ADAD1: variants seen among roughly 807,000 people sequenced by gnomAD.
ADAD1 encodes adenosine deaminase domain-containing protein 1.
Under a neutral mutation model 66.8 loss-of-function variants are expected in ADAD1, and 46 were observed. That is an observed-to-expected ratio of 0.69 (90% CI 0.54 to 0.88). The LOEUF (loss-of-function observed/expected upper bound fraction) is 0.88. Ranked by LOEUF, ADAD1 falls within the 40% of genes least tolerant of loss-of-function variation. The probability of loss-of-function intolerance (pLI) is 0.00; values close to 1 mark genes in which losing one functional copy is unlikely to be tolerated. For missense variants in ADAD1, 617 were observed against 681.8 expected, an observed-to-expected ratio of 0.91 and a Z score of 1.06; for synonymous variants, 248 against 229.4, an observed-to-expected ratio of 1.08 and a Z score of -0.73.
intron 5 of ADAD1, among the ~76,000 whole-genome samples, chr4:122,388,105 T>G (rs1049204551): frequency 6.6e-6 from 1 of 152,190 alleles, no homozygotes; most frequent in African/African-American, 2.4e-5. Context: ...AAAGGCCTTT[T>G]CTGCATATAT....
At position 122,421,323 on chromosome 4, in the gene ADAD1, G is replaced by C. The variant is rs778239614; in HGVS notation, c.1550G>C (p.Arg517Pro). The change falls in exon 12 of 13, where the codon CGG becomes CCG. Residue 517 changes from arginine (R) to proline (P), a missense_variant. Physicochemically the swap from Arg to Pro is moderately radical, Grantham distance 103. Coordinates refer to ENST00000296513, the MANE Select transcript of ADAD1 (RefSeq NM_139243.4). The stretch of plus-strand genomic sequence containing the variant: ...CTTTGTAAGGCTGCAATGTTAAGTC[G>C]GTTTAACCTGCTTGCCAAAGAAGCT... ...SRLCKAAMLSRFNLLAKEAKK... is the reference protein window; with the variant it reads ...SRLCKAAMLSPFNLLAKEAKK... The C allele has an allele frequency of 6.2e-7, 1 of 1,606,036 alleles. No homozygotes were observed. The highest frequency in any genetic ancestry group is 1.7e-5 in the Admixed American group (1 of 59,958).
At chr4:122,384,066 G>C (rs1795042909) in intron 5 of ADAD1, 100 bp downstream of exon 5, 1 of 1,095,094 alleles carries the variant, frequency 9.1e-7, no homozygotes, top group Non-Finnish European at 1.3e-6. Flanking sequence ...GCAGCTACAA[G>C]ATAGAAGTTG....
intron 4 of ADAD1, among the ~76,000 whole-genome samples, chr4:122,383,300 G>A (rs1468954073): frequency 6.6e-6 from 1 of 152,154 alleles, no homozygotes; most frequent in Admixed American, 6.5e-5. Flanking sequence ...ATAGTACACA[G>A]GGTTTCTTCA....
chr4:122,415,280 T>G (rs532109979), intron 10 of ADAD1, 99 bp from the exon 11 acceptor site: 1 of 907,896 alleles, frequency 1.1e-6, no homozygotes, highest in African/African-American at 1.7e-5. Context: ...AGATAAAGGA[T>G]AGAGAAATGG....
chr4:122,383,774 C>T (rs1442486038), intron 4 of ADAD1, 25 bp from the exon 5 acceptor site: 1 of 1,563,336 alleles, frequency 6.4e-7, no homozygotes, highest in African/African-American at 1.4e-5. Context: ...ATTATTGTAG[C>T]ATTCATTCTG....
At chr4:122,398,431 A>G (rs1353903711) in intron 7 of ADAD1, among the ~76,000 whole-genome samples, 3 of 152,106 alleles carry the variant, frequency 2.0e-5, no homozygotes, top group Admixed American at 6.6e-5. Context: ...TTGTGCTGCT[A>G]TAAACGTGTG....
chr4:122,418,613 A>G (rs564466050), intron 11 of ADAD1, among the ~76,000 whole-genome samples: 1 of 152,054 alleles, frequency 6.6e-6, no homozygotes, highest in South Asian at 2.1e-4. Flanking sequence ...TGAGCCACCA[A>G]TAAACGTTAT....
At chr4:122,394,377 G>A (rs549993847) in intron 6 of ADAD1, among the ~76,000 whole-genome samples, 2 of 152,202 alleles carry the variant, frequency 1.3e-5, no homozygotes, top group South Asian at 4.2e-4. Context: ...TACCAAGTGG[G>A]CACACTTCAG....
intron 8 of ADAD1, 142 bp from the exon 9 acceptor site, chr4:122,411,080 C>T: frequency 1.6e-6 from 1 of 626,312 alleles, no homozygotes; most frequent in East Asian, 3.3e-5. Flanking sequence ...TTAAATAAAG[C>T]TAAGATTGAT....
At chr4:122,395,691 A>G (rs1269157174) in intron 6 of ADAD1, among the ~76,000 whole-genome samples, 1 of 152,026 alleles carries the variant, frequency 6.6e-6, no homozygotes, top group African/African-American at 2.4e-5. Flanking sequence ...TCCATAGATA[A>G]CTTTTGATGT....
intron 10 of ADAD1, among the ~76,000 whole-genome samples, chr4:122,414,837 A>G (rs1796654755): frequency 2.6e-5 from 4 of 152,154 alleles, no homozygotes; most frequent in Admixed American, 2.6e-4. Flanking sequence ...AATAATTATT[A>G]TAACTGAGAA....
chr4:122,398,318 GT>G lies in ADAD1; in HGVS notation c.724+1942del, dbSNP rs1186304968. 4.9e-4 allele frequency among the ~76,000 whole-genome samples: 6 copies of G among 12,366 alleles called. No individual in the cohort carries two copies. The South Asian group carries it at 0.018, about 37-fold the overall frequency. The allele number at this position is 12,366 out of a possible 152,430, so 8.1% of individuals were successfully genotyped here. A position where few individuals can be genotyped will look rare whatever the true frequency, so the allele number is the denominator to read the frequency against. Reference sequence around the variant, plus strand: ...TATCCAGGCTGAGTAGTATTCCAGGGTGTGTGTGTGTGTGTGTGTGTGTGTG... The same window carrying G: ...TATCCAGGCTGAGTAGTATTCCAGGGGTGTGTGTGTGTGTGTGTGTGTGTG... On this transcript the variant is annotated intron_variant, in intron 7 of 12. Coordinates refer to ENST00000296513, the MANE Select transcript of ADAD1 (RefSeq NM_139243.4).
At chr4:122,401,679 G>A (rs1795988460) in intron 7 of ADAD1, among the ~76,000 whole-genome samples, 1 of 152,052 alleles carries the variant, frequency 6.6e-6, no homozygotes, top group Non-Finnish European at 1.5e-5. Context: ...GAGCTCCAGT[G>A]TTAAGTGCAT....
At chr4:122,379,830 T>G in intron 2 of ADAD1, 1 of 434,476 alleles carries the variant, frequency 2.3e-6, no homozygotes, top group Admixed American at 4.0e-5. Flanking sequence ...CTGTTCCTTC[T>G]TTCCTCCTTT....
chr4:122,393,247 CATTA>C (rs1580752457), intron 5 of ADAD1, among the ~76,000 whole-genome samples: 1 of 151,806 alleles, frequency 6.6e-6, no homozygotes, highest in African/African-American at 2.4e-5. Flanking sequence ...TTTAATAGAA[CATTA>C]ATTTAAAATG....
chr4:122,380,687 T>C (rs73846642), intron 3 of ADAD1, among the ~76,000 whole-genome samples: 2,444 of 152,294 alleles, frequency 0.016, 61 homozygotes, highest in African/African-American at 0.056. Flanking sequence ...TAGGCCTTAG[T>C]GATATTATCT....
chr4:122,419,675 C>A (rs1796917250), intron 11 of ADAD1, among the ~76,000 whole-genome samples: 1 of 152,120 alleles, frequency 6.6e-6, no homozygotes, highest in Non-Finnish European at 1.5e-5. Context: ...TACAGTAACA[C>A]CAACTGGCAT....
At chr4:122,394,212 G>A (rs1346903057) in intron 6 of ADAD1, among the ~76,000 whole-genome samples, 2 of 152,052 alleles carry the variant, frequency 1.3e-5, no homozygotes, top group Admixed American at 1.3e-4. Context: ...CTTAACATCA[G>A]TGCCTAACAC....
rs145957230 is a variant in ADAD1 at position 122,424,523 on chromosome 4, T to C, written c.1617+3133T>C. Among the ~76,000 whole-genome samples, 111 of 152,174 alleles carry C rather than the reference T, an allele frequency of 7.3e-4. 1 individual carries two copies. The East Asian group carries it at 0.017, about 23-fold the overall frequency. Reference sequence around the variant, plus strand: ...GCCAGTATGAATCTGAAATCAAATATGTAAGGTAAAGAGGTATATTGTAAT... The same window carrying C: ...GCCAGTATGAATCTGAAATCAAATACGTAAGGTAAAGAGGTATATTGTAAT... On this transcript the variant is annotated intron_variant, in intron 12 of 12. Coordinates refer to ENST00000296513, the MANE Select transcript of ADAD1 (RefSeq NM_139243.4).
Sources: gnomAD v4.1 joint callset for allele counts (sites outside exome capture counted in the v4.1 genomes callset) on GRCh38, gnomAD v4.1.1 for gene constraint, MANE v1.5 for transcripts, NCBI Gene and HGNC (gene_info 2026-07-23, HGNC 2026-07-21) for gene names.